Variants in TENM4 observed in about 807,000 individuals in gnomAD.
TENM4 encodes teneurin transmembrane protein 4.
TENM4 carries 82 observed loss-of-function variants against 243.3 expected under a neutral mutation model. That is an observed-to-expected ratio of 0.34 (90% CI 0.28 to 0.40). TENM4 has a LOEUF of 0.40. Among genes scored for constraint, TENM4 ranks in the 10% least tolerant of loss-of-function variants. The probability of loss-of-function intolerance (pLI) is 1.00; values close to 1 mark genes in which losing one functional copy is unlikely to be tolerated. For missense variants in TENM4, 3,138 were observed against 3,673.3 expected (o/e 0.85, Z 3.77); for synonymous variants, 1,412 against 1,456.3 (o/e 0.97, Z 0.69).
At chr11:79,166,325 A>G (rs1036819617) in intron 3 of TENM4, among the ~76,000 whole-genome samples, 9 of 152,244 alleles carry the variant, frequency 5.9e-5, no homozygotes, top group Admixed American at 4.6e-4. Flanking sequence ...TGCCAAGGGC[A>G]TAGAGCATGT....
intron 3 of TENM4, among the ~76,000 whole-genome samples, chr11:79,176,850 A>G (rs900976602): frequency 3.3e-5 from 5 of 152,212 alleles, no homozygotes; most frequent in African/African-American, 1.2e-4. Context: ...TGCATCTAAC[A>G]TCGGTCTGAA....
chr11:79,359,094 C>A (rs192596161), intron 1 of TENM4, among the ~76,000 whole-genome samples: 65 of 152,064 alleles, frequency 4.3e-4, no homozygotes, highest in African/African-American at 1.5e-3. Flanking sequence ...AGCAAGACCC[C>A]ATCTGTACAA....
chr11:78,718,697 A>G lies in TENM4; in HGVS notation c.3821+1673T>C, dbSNP rs117420906. On this transcript the variant is annotated intron_variant, in intron 25 of 33. Transcript: ENST00000278550. ...TGAAGTTGAAGGCATGGGTCATTAC[A>G]TAGTTCAGTATCATCCATACAAATC... Among the ~76,000 whole-genome samples the G allele has an allele frequency of 9.6e-4, 147 of 152,352 alleles. 1 individual carries two copies. In the East Asian group the frequency reaches 0.017, roughly 18 times the overall value.
intron 1 of TENM4, among the ~76,000 whole-genome samples, chr11:79,333,387 T>C (rs1857093587): frequency 6.6e-6 from 1 of 152,202 alleles, no homozygotes; most frequent in Non-Finnish European, 1.5e-5. Flanking sequence ...ACCTGGGGTC[T>C]TTCATTTAAT....
chr11:78,786,000 C>T (rs1054896657), intron 16 of TENM4, among the ~76,000 whole-genome samples: 1 of 151,774 alleles, frequency 6.6e-6, no homozygotes, highest in South Asian at 2.1e-4. Flanking sequence ...AAACAAAAAA[C>T]AAAAACGGAA....
intron 20 of TENM4, among the ~76,000 whole-genome samples, chr11:78,736,479 T>TGTGCGCGCGC (rs796898751): frequency 5.0e-5 from 5 of 99,334 alleles, no homozygotes; most frequent in African/African-American, 1.5e-4. Context: ...TGTGTGTGTG[T>TGTGCGCGCGC]GCGCGCGCGT....
intron 29 of TENM4, 86 bp from the exon 30 acceptor site, chr11:78,676,473 T>A: frequency 9.2e-7 from 1 of 1,090,886 alleles, no homozygotes; most frequent in Non-Finnish European, 1.3e-6. Flanking sequence ...GAGGGGACTT[T>A]AAAGGATGCT....
intron 6 of TENM4, among the ~76,000 whole-genome samples, chr11:78,987,984 C>T (rs1857956986): frequency 1.3e-5 from 2 of 152,054 alleles, no homozygotes; most frequent in South Asian, 4.1e-4. Context: ...TAAGGTGTAG[C>T]CAGGTTGAAG....
At chr11:78,810,560 G>GTCAC (rs1246678485) in intron 14 of TENM4, among the ~76,000 whole-genome samples, 1 of 152,134 alleles carries the variant, frequency 6.6e-6, no homozygotes, top group Non-Finnish European at 1.5e-5. Flanking sequence ...GGATAAAAAG[G>GTCAC]CCCAGTTCCT....
intron 1 of TENM4, among the ~76,000 whole-genome samples, chr11:79,417,272 G>C (rs1206436931): frequency 6.6e-6 from 1 of 152,330 alleles, no homozygotes; most frequent in East Asian, 1.9e-4. Context: ...CCAAGGGCAA[G>C]GCAGTGTAGT....
intron 6 of TENM4, among the ~76,000 whole-genome samples, chr11:78,909,781 A>G (rs542203480): frequency 2.6e-5 from 4 of 152,372 alleles, no homozygotes; most frequent in African/African-American, 9.6e-5. Context: ...GGACAGTTTT[A>G]TAACTAGAGT....
chr11:79,314,803 C>T (rs1253218725), intron 1 of TENM4, among the ~76,000 whole-genome samples: 2 of 152,204 alleles, frequency 1.3e-5, no homozygotes, highest in Non-Finnish European at 2.9e-5. Context: ...CTTGGCTACA[C>T]ATCACAGTCA....
At chr11:78,943,015 A>G (rs1042312565) in intron 6 of TENM4, among the ~76,000 whole-genome samples, 1 of 152,134 alleles carries the variant, frequency 6.6e-6, no homozygotes, top group African/African-American at 2.4e-5. Context: ...CTCCCTCAAG[A>G]GTCGGTGCAT....
At chr11:79,299,606 T>C (rs776227571) in intron 1 of TENM4, among the ~76,000 whole-genome samples, 1 of 152,238 alleles carries the variant, frequency 6.6e-6, no homozygotes. Context: ...TAAAACCACA[T>C]TTTGAAAATA....
chr11:79,156,315 T>C (rs1178963343), intron 3 of TENM4, among the ~76,000 whole-genome samples: 8 of 152,208 alleles, frequency 5.3e-5, no homozygotes, highest in Admixed American at 5.2e-4. Flanking sequence ...GGAAGAGTGA[T>C]GTGCGAGGTG....
At chr11:79,406,163 G>A (rs980139371) in intron 1 of TENM4, among the ~76,000 whole-genome samples, 1 of 152,152 alleles carries the variant, frequency 6.6e-6, no homozygotes, top group Non-Finnish European at 1.5e-5. Flanking sequence ...CTTGCTGACA[G>A]TCATTGTGGC....
intron 4 of TENM4, among the ~76,000 whole-genome samples, chr11:79,084,272 A>G (rs1474328168): frequency 1.3e-5 from 2 of 152,232 alleles, no homozygotes; most frequent in Non-Finnish European, 1.5e-5. Flanking sequence ...GCTGGTAGGA[A>G]TATAAAAGTG....
At chr11:78,797,725 C>T (rs542639393) in intron 15 of TENM4, among the ~76,000 whole-genome samples, 6 of 152,362 alleles carry the variant, frequency 3.9e-5, no homozygotes, top group Non-Finnish European at 7.3e-5. Flanking sequence ...CCCTCTGACA[C>T]TTCCCTTCCT....
At chr11:79,410,063 A>C (rs956957079) in intron 1 of TENM4, among the ~76,000 whole-genome samples, 1 of 152,086 alleles carries the variant, frequency 6.6e-6, no homozygotes, top group Admixed American at 6.6e-5. Flanking sequence ...TAGCAAAAAA[A>C]CCCATAGTTT....
Sources: gnomAD v4.1 joint callset for allele counts (sites outside exome capture counted in the v4.1 genomes callset) on GRCh38, gnomAD v4.1.1 for gene constraint, MANE v1.5 for transcripts, NCBI Gene and HGNC (gene_info 2026-07-23, HGNC 2026-07-21) for gene names.